APBB2: variants seen among roughly 807,000 people sequenced by gnomAD.
The protein encoded by APBB2 is amyloid beta precursor protein binding family B member 2.
APBB2 carries 38 observed loss-of-function variants against 82.5 expected under a neutral mutation model. That is an observed-to-expected ratio of 0.46 (90% CI 0.36 to 0.60). APBB2 has a LOEUF of 0.60. Among genes scored for constraint, APBB2 ranks in the 20% least tolerant of loss-of-function variants. APBB2 has a pLI of 0.00. For synonymous variants in APBB2, 341 were observed against 368.2 expected, an observed-to-expected ratio of 0.93 and a Z score of 0.85; for missense variants, 772 against 972.3, an observed-to-expected ratio of 0.79 and a Z score of 2.74.
chr4:40,991,690 T>A (rs900342081), intron 6 of APBB2, among the ~76,000 whole-genome samples: 1 of 151,926 alleles, frequency 6.6e-6, no homozygotes, highest in Non-Finnish European at 1.5e-5. Context: ...TTTCACCCCC[T>A]CCTCCTAAAA....
intron 12 of APBB2, among the ~76,000 whole-genome samples, chr4:40,877,777 G>A (rs906704059): frequency 1.3e-5 from 2 of 152,116 alleles, no homozygotes; most frequent in African/African-American, 2.4e-5. Flanking sequence ...TCTCCTTTAG[G>A]GAGGAGGCAA....
At chr4:41,101,562 A>G (rs1377519971) in intron 2 of APBB2, among the ~76,000 whole-genome samples, 1 of 151,530 alleles carries the variant, frequency 6.6e-6, no homozygotes, top group Non-Finnish European at 1.5e-5. Flanking sequence ...CTTCAAATGT[A>G]TTAAGCACAC....
chr4:41,063,949 GATTTTTTTTT>G (rs1730729283), intron 4 of APBB2, among the ~76,000 whole-genome samples: 1 of 95,872 alleles, frequency 1.0e-5, no homozygotes, highest in East Asian at 4.0e-4. Context: ...AAAATGCTGG[GATTTTTTTTT>G]TTTTTTTTTT....
intron 6 of APBB2, among the ~76,000 whole-genome samples, chr4:40,971,943 G>A (rs901762149): frequency 1.3e-5 from 2 of 152,012 alleles, no homozygotes; most frequent in African/African-American, 2.4e-5. Flanking sequence ...GTATCCTTAC[G>A]GGACAATTAA....
At chr4:41,120,585 C>A (rs1752513095) in intron 2 of APBB2, among the ~76,000 whole-genome samples, 1 of 152,148 alleles carries the variant, frequency 6.6e-6, no homozygotes, top group South Asian at 2.1e-4. Flanking sequence ...AGGGAGTTTT[C>A]TTTTCCCCTG....
chr4:41,038,868 G>A (rs947495958), intron 4 of APBB2, among the ~76,000 whole-genome samples: 5 of 152,192 alleles, frequency 3.3e-5, no homozygotes, highest in African/African-American at 7.2e-5. Flanking sequence ...TCCAGCAGTC[G>A]TAATAAACAG....
chr4:40,906,968 G>A (rs1446701208), intron 10 of APBB2, among the ~76,000 whole-genome samples: 2 of 152,052 alleles, frequency 1.3e-5, no homozygotes, highest in African/African-American at 4.8e-5. Flanking sequence ...GCATGTATAT[G>A]TAAATATGCA....
intron 3 of APBB2, among the ~76,000 whole-genome samples, chr4:41,073,126 A>G (rs891108388): frequency 1.3e-5 from 2 of 152,154 alleles, no homozygotes; most frequent in African/African-American, 4.8e-5. Context: ...TTTCTATCCA[A>G]CTTTCACCAC....
chr4:40,968,090 G>A (rs1418342178), intron 6 of APBB2, among the ~76,000 whole-genome samples: 3 of 152,168 alleles, frequency 2.0e-5, no homozygotes, highest in Non-Finnish European at 2.9e-5. Context: ...AGTGTGCCAG[G>A]CACTGTTGTT....
At chr4:40,938,006 G>A (rs1287837688) in intron 7 of APBB2, among the ~76,000 whole-genome samples, 2 of 152,202 alleles carry the variant, frequency 1.3e-5, no homozygotes, top group East Asian at 1.9e-4. Flanking sequence ...GAGAGACAAA[G>A]AGAAAAACAT....
chr4:41,081,393 A>G (rs879740972), intron 3 of APBB2, among the ~76,000 whole-genome samples: 38 of 152,240 alleles, frequency 2.5e-4, no homozygotes, highest in South Asian at 1.2e-3. Context: ...ACAAAAAGGG[A>G]AAAAAAATCC....
chr4:40,982,363 GAAGGAAGGAAGGAAGGAAGGAAGGAAGGA>G (rs1252146304), intron 6 of APBB2, among the ~76,000 whole-genome samples: 221 of 15,878 alleles, frequency 0.014, 19 homozygotes, highest in South Asian at 0.018. Flanking sequence ...AGGAAGGAAG[GAAGGAAGGAAGGAAGGAAGGAAGGAAGGA>G]AAGGAAAGGA....
At chr4:40,818,150 G>A (rs1746460267) in intron 17 of APBB2, among the ~76,000 whole-genome samples, 2 of 152,162 alleles carry the variant, frequency 1.3e-5, no homozygotes, top group Non-Finnish European at 2.9e-5. Context: ...ATATTCACAT[G>A]GTATAAATTC....
chr4:40,958,614 T>C (rs1262114027), intron 6 of APBB2, among the ~76,000 whole-genome samples: 1 of 152,192 alleles, frequency 6.6e-6, no homozygotes, highest in Non-Finnish European at 1.5e-5. Context: ...TCTCCCTTTC[T>C]TCCTTTTTTG....
intron 10 of APBB2, among the ~76,000 whole-genome samples, chr4:40,907,954 C>T (rs1177856316): frequency 6.6e-6 from 1 of 151,838 alleles, no homozygotes; most frequent in African/African-American, 2.4e-5. Context: ...CAGGCGTGAG[C>T]CACTGTGCCC....
At chr4:40,959,435 C>T (rs768091265) in intron 6 of APBB2, among the ~76,000 whole-genome samples, 1 of 152,166 alleles carries the variant, frequency 6.6e-6, no homozygotes, top group Non-Finnish European at 1.5e-5. Context: ...CTCAGAGCTG[C>T]AGTCCTCTGG....
In APBB2 at chr4:40,991,010, C is replaced by CTTTTTTTTTTTTTTT. The variant is rs1491223078; in HGVS notation, c.835+22572_835+22573insAAAAAAAAAAAAAAA. Among the ~76,000 whole-genome samples the CTTTTTTTTTTTTTTT allele has an allele frequency of 5.0e-4, 64 of 128,682 alleles. 2 individuals carry two copies. Among genetic ancestry groups the CTTTTTTTTTTTTTTT allele is most frequent in the South Asian group, 4.4e-3 (16 of 3,638 alleles). 84.4% of individuals were successfully genotyped at this position (128,682 alleles called of 152,430 possible). Reference sequence around the variant, plus strand: ...TTTCTGGTCATTTTGGACTGAGTTTCATTTTTTTTTTTTTTGGAGGCAAGG... The same window carrying CTTTTTTTTTTTTTTT: ...TTTCTGGTCATTTTGGACTGAGTTTCTTTTTTTTTTTTTTTATTTTTTTTTTTTTTGGAGGCAAGG... On this transcript the variant is annotated intron_variant, in intron 6 of 17. Transcript: ENST00000508593.
At chr4:40,945,142 G>A (rs1030086464) in intron 6 of APBB2, 69 bp from the exon 7 acceptor site, 63 of 1,234,990 alleles carry the variant, frequency 5.1e-5, no homozygotes, top group East Asian at 7.1e-5. Flanking sequence ...AGCACTATTC[G>A]TCAGGTGAAC....
Position 40,971,602 on chromosome 4 carries a change from A to T in APBB2, c.836-26529T>A, listed in dbSNP as rs529915349. ...GGCTTCTGCAATATTTTTCCCAGAAACGTTTTCCTTATATGGTCATCAAAG... is the reference window on the plus strand; with the variant it reads ...GGCTTCTGCAATATTTTTCCCAGAATCGTTTTCCTTATATGGTCATCAAAG... On this transcript the variant is annotated intron_variant, in intron 6 of 17. Transcript: ENST00000508593. 5.3e-5 allele frequency among the ~76,000 whole-genome samples: 8 copies of T among 152,266 alleles called. No individual in the cohort carries two copies. In the South Asian group the frequency reaches 1.7e-3, roughly 32 times the overall value.
Sources: allele counts gnomAD v4.1 joint callset (sites outside exome capture counted in the v4.1 genomes callset), GRCh38; gene constraint gnomAD v4.1.1; transcripts MANE v1.5; gene names NCBI Gene and HGNC (gene_info 2026-07-23, HGNC 2026-07-21).